Variants in PSMA8 observed in about 807,000 individuals in gnomAD.
PSMA8 encodes proteasome 20S subunit alpha 8.
Under a neutral mutation model 32.4 loss-of-function variants are expected in PSMA8, and 18 were observed. That is an observed-to-expected ratio of 0.56 (90% CI 0.38 to 0.82). The LOEUF is 0.82. Among genes scored for constraint, PSMA8 ranks in the 40% least tolerant of loss-of-function variants. The pLI is 0.00. For missense variants in PSMA8, 298 were observed against 300.7 expected, an observed-to-expected ratio of 0.99 and a Z score of 0.07; for synonymous variants, 104 against 98.1, an observed-to-expected ratio of 1.06 and a Z score of -0.36.
At position 26,179,150 on chromosome 18, in the gene PSMA8, G is replaced by A; in HGVS notation, c.660+20G>A. Reference sequence around the variant, plus strand: ...TTGAAGGTAAGTCATTAACCAAAGAGGAAAAAGTATCTGTAGTATAAAGTA... The same window carrying A: ...TTGAAGGTAAGTCATTAACCAAAGAAGAAAAAGTATCTGTAGTATAAAGTA... On this transcript the variant is annotated intron_variant, in intron 6 of 6. Coordinates refer to ENST00000415576, the MANE Select transcript of PSMA8 (RefSeq NM_001025096.2). The A allele has an allele frequency of 1.3e-6, 2 of 1,581,446 alleles. No homozygotes were observed. Among genetic ancestry groups the A allele is most frequent in the Non-Finnish European group, 1.7e-6 (2 of 1,155,460 alleles).
In PSMA8 at chr18:26,192,802, A is replaced by C. The variant is rs2055414843; in HGVS notation, c.*391A>C. ...TTAAGGACATAGCTATTCCAAATAAACTAAATATAATATTGAGCTGCATTT... is the reference window on the plus strand; with the variant it reads ...TTAAGGACATAGCTATTCCAAATAACCTAAATATAATATTGAGCTGCATTT... On this transcript the variant is annotated 3_prime_UTR_variant, in exon 7 of 7. Coordinates refer to ENST00000415576, the MANE Select transcript of PSMA8 (RefSeq NM_001025096.2). 1 of 152,386 alleles carries C rather than the reference A, an allele frequency of 6.6e-6. No homozygotes were observed. The highest frequency in any genetic ancestry group is 2.1e-4 in the South Asian group (1 of 4,840). The allele number at this position is 152,386 out of a possible 1,614,324, so 9.4% of individuals were successfully genotyped here. A position where few individuals can be genotyped will look rare whatever the true frequency, so the allele number is the denominator to read the frequency against.
Position 26,158,167 on chromosome 18 carries a change from T to G in PSMA8, c.400T>G (p.Leu134Val), listed in dbSNP as rs2055105900. 1 of 1,606,504 alleles carries G rather than the reference T, an allele frequency of 6.2e-7. No individual in the cohort carries two copies. Among genetic ancestry groups the G allele is most frequent in the Non-Finnish European group, 8.5e-7 (1 of 1,173,740 alleles). The change falls in exon 4 of 7, where the codon TTA becomes GTA. Residue 134 changes from leucine (L) to valine (V), a missense_variant. Transcript: ENST00000415576. Reference sequence around the variant, plus strand: ...ACGAAGACCTTTTGGTATTTCTGCCTTAATTGTAGGTTTTGATGATGATGG... The same window carrying G: ...ACGAAGACCTTTTGGTATTTCTGCCGTAATTGTAGGTTTTGATGATGATGG... ...NGRRPFGISA[L>V]IVGFDDDGIS...
intron 4 of PSMA8, among the ~76,000 whole-genome samples, chr18:26,163,277 G>A (rs11877766): frequency 0.019 from 2,419 of 130,236 alleles, 84 homozygotes; most frequent in African/African-American, 0.069. Flanking sequence ...TGAGTAAAAT[G>A]AGACAACAGG....
intron 2 of PSMA8, among the ~76,000 whole-genome samples, chr18:26,146,551 G>A (rs2055004903): frequency 6.6e-6 from 1 of 152,066 alleles, no homozygotes; most frequent in African/African-American, 2.4e-5. Flanking sequence ...GATCATTTGA[G>A]CCCAAAAGTT....
intron 2 of PSMA8, among the ~76,000 whole-genome samples, chr18:26,148,869 C>G (rs977646425): frequency 6.6e-6 from 1 of 152,020 alleles, no homozygotes; most frequent in Non-Finnish European, 1.5e-5. Flanking sequence ...TAATTTGAAA[C>G]AGGGTCTCAC....
At chr18:26,153,663 T>G (rs531509482) in intron 3 of PSMA8, among the ~76,000 whole-genome samples, 37 of 152,200 alleles carry the variant, frequency 2.4e-4, no homozygotes, top group Non-Finnish European at 4.0e-4. Context: ...CTCAAGTGGT[T>G]AAGAGTGTGC....
intron 4 of PSMA8, among the ~76,000 whole-genome samples, chr18:26,160,729 T>C (rs1449910649): frequency 6.6e-6 from 1 of 152,186 alleles, no homozygotes; most frequent in Admixed American, 6.5e-5. Flanking sequence ...ATAGAATGGG[T>C]AGGAGAAATA....
intron 2 of PSMA8, among the ~76,000 whole-genome samples, chr18:26,150,949 C>CA (rs2055041132): frequency 6.6e-6 from 1 of 152,196 alleles, no homozygotes; most frequent in Admixed American, 6.5e-5. Context: ...AAGACTAAAT[C>CA]AGTTTCTTGC....
At chr18:26,184,654 A>G (rs1426193735) in intron 6 of PSMA8, among the ~76,000 whole-genome samples, 7 of 149,412 alleles carry the variant, frequency 4.7e-5, no homozygotes, top group African/African-American at 1.7e-4. Flanking sequence ...TGTGCCTGTA[A>G]TCCCAGCTAC....
At position 26,134,340 on chromosome 18, in the gene PSMA8, G is replaced by GT. The variant is rs2054891597; in HGVS notation, c.102+273_102+274insT. 1.8e-3 allele frequency among the ~76,000 whole-genome samples: 242 copies of GT among 135,196 alleles called. 3 individuals are homozygous for GT. The highest frequency in any genetic ancestry group is 7.6e-3 in the African/African-American group (229 of 30,154). 88.7% of individuals were successfully genotyped at this position (135,196 alleles called of 152,430 possible). The stretch of plus-strand genomic sequence containing the variant: ...GACGCAAAACTAGGGTGTGTGTGTG[G>GT]GTGTGTGTGTGTGTGTGTGTGTGTC... On this transcript the variant is annotated intron_variant, in intron 1 of 6. Coordinates refer to ENST00000415576, the MANE Select transcript of PSMA8 (RefSeq NM_001025096.2).
At chr18:26,144,734 G>A (rs2054989011) in intron 2 of PSMA8, 49 bp downstream of exon 2, 3 of 1,582,118 alleles carry the variant, frequency 1.9e-6, no homozygotes, top group African/African-American at 1.3e-5. Context: ...CTGTAGTAGG[G>A]CAACACAGTT....
intron 1 of PSMA8, among the ~76,000 whole-genome samples, chr18:26,138,642 C>T (rs149212670): frequency 6.6e-6 from 1 of 152,086 alleles, no homozygotes; most frequent in African/African-American, 2.4e-5. Context: ...CTCAGGCTAC[C>T]TATGGTCAGT....
intron 6 of PSMA8, among the ~76,000 whole-genome samples, chr18:26,191,833 T>C (rs868504614): frequency 3.3e-5 from 5 of 152,242 alleles, no homozygotes; most frequent in Middle Eastern, 3.4e-3. Flanking sequence ...CAAACTACAC[T>C]GCAAATTCTT....
chr18:26,180,473 A>G (rs957873837), intron 6 of PSMA8, among the ~76,000 whole-genome samples: 2 of 152,144 alleles, frequency 1.3e-5, no homozygotes, highest in African/African-American at 4.8e-5. Flanking sequence ...GTTTCAATAA[A>G]TAAGAGAAAT....
intron 4 of PSMA8, among the ~76,000 whole-genome samples, chr18:26,173,728 G>C (rs1460061386): frequency 1.3e-5 from 2 of 151,908 alleles, no homozygotes; most frequent in African/African-American, 2.4e-5. Context: ...GGCTAATTTT[G>C]TATTTTTAGT....
At chr18:26,186,445 T>A (rs973819989) in intron 6 of PSMA8, among the ~76,000 whole-genome samples, 1 of 152,066 alleles carries the variant, frequency 6.6e-6, no homozygotes, top group African/African-American at 2.4e-5. Context: ...ACATAAGATA[T>A]AAGAAATTTA....
intron 1 of PSMA8, among the ~76,000 whole-genome samples, chr18:26,140,305 A>C (rs924131315): frequency 6.6e-6 from 1 of 152,206 alleles, no homozygotes; most frequent in East Asian, 1.9e-4. Context: ...ACCTGAGTCC[A>C]CAGGAGCAGA....
At chr18:26,161,125 G>A (rs2055131596) in intron 4 of PSMA8, among the ~76,000 whole-genome samples, 1 of 152,130 alleles carries the variant, frequency 6.6e-6, no homozygotes, top group Non-Finnish European at 1.5e-5. Context: ...ATCTCAGCTT[G>A]TAGTTCCGTG....
rs926957910 is a variant in PSMA8, at chr18:26,192,642, A to G, written c.*231A>G. The G allele has an allele frequency of 3.5e-6, 1 of 285,512 alleles. No homozygotes were observed. Among genetic ancestry groups the G allele is most frequent in the African/African-American group, 2.2e-5 (1 of 45,528 alleles). The allele number at this position is 285,512 out of a possible 1,614,324, so 17.7% of individuals were successfully genotyped here. On this transcript the variant is annotated 3_prime_UTR_variant, in exon 7 of 7. Transcript: ENST00000415576. ...ATTTCAGTAATTGTTGAGAGCAGTC[A>G]TAATTCCACATAAGCCTGAGACTCT...
Sources: allele counts gnomAD v4.1 joint callset (sites outside exome capture counted in the v4.1 genomes callset), GRCh38; gene constraint gnomAD v4.1.1; transcripts MANE v1.5; gene names NCBI Gene and HGNC (gene_info 2026-07-23, HGNC 2026-07-21).